The following ROR1 variants were observed in gnomAD, a reference collection of about 807,000 sequenced individuals.
ROR1 encodes the protein ROR family WNT receptor 1, also known as inactive tyrosine-protein kinase transmembrane receptor ROR1.
ROR1 carries 19 observed loss-of-function variants against 78.8 expected under a neutral mutation model. The observed-to-expected ratio is 0.24, with a 90% confidence interval of 0.17 to 0.35. ROR1 has a LOEUF of 0.35. ROR1 is among the 10% of genes least tolerant of loss of function. ROR1 has a pLI of 1.00. For synonymous variants in ROR1, 386 were observed against 433.6 expected (o/e 0.89, Z 1.36); for missense variants, 917 against 1,177.8 (o/e 0.78, Z 3.24).
chr1:64,131,577 A>G (rs575416317), intron 4 of ROR1, among the ~76,000 whole-genome samples: 194 of 151,904 alleles, frequency 1.3e-3, no homozygotes, highest in African/African-American at 4.6e-3. Flanking sequence ...TGGAATTCAC[A>G]TAACATAGAG....
chr1:63,846,212 T>C (rs1569809504), intron 1 of ROR1, among the ~76,000 whole-genome samples: 1 of 149,780 alleles, frequency 6.7e-6, no homozygotes, highest in South Asian at 2.1e-4. Context: ...TCACTCCTCA[T>C]GGTGAGGAGG....
intron 4 of ROR1, among the ~76,000 whole-genome samples, chr1:64,072,413 C>T (rs1647011694): frequency 6.6e-6 from 1 of 152,132 alleles, no homozygotes; most frequent in Non-Finnish European, 1.5e-5. Context: ...GTTCTCACTG[C>T]AGTAGGGGCT....
intron 1 of ROR1, among the ~76,000 whole-genome samples, chr1:63,801,781 A>C (rs1013569582): frequency 6.6e-6 from 1 of 152,328 alleles, no homozygotes; most frequent in African/African-American, 2.4e-5. Flanking sequence ...TAACTATTTT[A>C]TCTCACTTTA....
intron 4 of ROR1, among the ~76,000 whole-genome samples, chr1:64,099,197 G>A (rs1647421492): frequency 6.6e-6 from 1 of 152,100 alleles, no homozygotes; most frequent in Non-Finnish European, 1.5e-5. Flanking sequence ...ACAACTCCCC[G>A]AGGCAGGCAA....
intron 4 of ROR1, among the ~76,000 whole-genome samples, chr1:64,080,035 G>C (rs756212575): frequency 6.6e-6 from 1 of 152,108 alleles, no homozygotes; most frequent in African/African-American, 2.4e-5. Flanking sequence ...CCCTTAGCTG[G>C]GATGACTAAA....
At chr1:64,111,584 T>C (rs892136987) in intron 4 of ROR1, among the ~76,000 whole-genome samples, 4 of 152,208 alleles carry the variant, frequency 2.6e-5, no homozygotes, top group African/African-American at 9.6e-5. Context: ...TGATGTTTGC[T>C]GCCTTGGTAC....
chr1:64,033,752 T>G (rs1646679247), intron 2 of ROR1, among the ~76,000 whole-genome samples: 1 of 152,212 alleles, frequency 6.6e-6, no homozygotes, highest in Non-Finnish European at 1.5e-5. Context: ...CTATTTGTAT[T>G]TAAAATGTAT....
intron 1 of ROR1, among the ~76,000 whole-genome samples, chr1:63,783,697 AT>A (rs1368535710): frequency 6.6e-6 from 1 of 152,150 alleles, no homozygotes; most frequent in Non-Finnish European, 1.5e-5. Context: ...CTTCCCTTCT[AT>A]TTGGTAACTA....
At chr1:64,009,743 C>G (rs1236519586) in intron 2 of ROR1, among the ~76,000 whole-genome samples, 2 of 152,080 alleles carry the variant, frequency 1.3e-5, no homozygotes, top group African/African-American at 4.8e-5. Context: ...GCTCGGTGAC[C>G]TTTCACGATG....
At chr1:63,868,136 G>T (rs59198724) in intron 1 of ROR1, among the ~76,000 whole-genome samples, 30,272 of 149,324 alleles carry the variant, frequency 0.2, 6,239 homozygotes, top group African/African-American at 0.53. Context: ...AGTTTTTGTT[G>T]TTGTTGTTGT....
chr1:63,909,167 C>T (rs1645549948), intron 1 of ROR1, among the ~76,000 whole-genome samples: 1 of 151,856 alleles, frequency 6.6e-6, no homozygotes, highest in African/African-American at 2.4e-5. Context: ...TGCGCACCTG[C>T]TTTCCACCCT....
At chr1:63,943,428 C>T (rs1011258004) in intron 1 of ROR1, among the ~76,000 whole-genome samples, 1 of 152,164 alleles carries the variant, frequency 6.6e-6, no homozygotes, top group Non-Finnish European at 1.5e-5. Context: ...CAGCTCAGGG[C>T]AAGCCCCTGT....
intron 2 of ROR1, among the ~76,000 whole-genome samples, chr1:64,034,305 T>G (rs1056265461): frequency 2.6e-5 from 4 of 152,274 alleles, no homozygotes; most frequent in African/African-American, 9.6e-5. Context: ...ACTGCCACTT[T>G]GTTTGAAAAT....
chr1:63,884,800 C>G (rs967033494), intron 1 of ROR1, among the ~76,000 whole-genome samples: 1 of 151,102 alleles, frequency 6.6e-6, no homozygotes, highest in East Asian at 1.9e-4. Flanking sequence ...TCTTTCCCTT[C>G]TCCGGGAAAA....
chr1:64,008,841 G>C (rs577629948), intron 1 of ROR1, among the ~76,000 whole-genome samples: 18 of 152,060 alleles, frequency 1.2e-4, no homozygotes, highest in African/African-American at 4.1e-4. Context: ...CATCATGTTG[G>C]TCAGGCTGGT....
At chr1:63,903,202 C>T (rs1645499920) in intron 1 of ROR1, among the ~76,000 whole-genome samples, 1 of 152,188 alleles carries the variant, frequency 6.6e-6, no homozygotes, top group Non-Finnish European at 1.5e-5. Flanking sequence ...AATCTCTGCC[C>T]TATCAGCTGG....
intron 8 of ROR1, among the ~76,000 whole-genome samples, chr1:64,167,579 G>A (rs1358955344): frequency 6.6e-6 from 1 of 152,220 alleles, no homozygotes; most frequent in African/African-American, 2.4e-5. Context: ...CCATTTATGA[G>A]TAGAGTCAAT....
intron 1 of ROR1, among the ~76,000 whole-genome samples, chr1:63,940,941 T>C (rs2100456599): frequency 6.6e-6 from 1 of 152,314 alleles, no homozygotes; most frequent in Middle Eastern, 3.4e-3. Flanking sequence ...TGTAGTATTC[T>C]GACCAACACT....
At chr1:64,165,501 C>T (rs1650061533) in intron 8 of ROR1, among the ~76,000 whole-genome samples, 1 of 151,850 alleles carries the variant, frequency 6.6e-6, no homozygotes, top group South Asian at 2.1e-4. Context: ...AATTTTTCTC[C>T]CATTCTGTAG....
Sources: allele counts gnomAD v4.1 joint callset (sites outside exome capture counted in the v4.1 genomes callset), GRCh38; gene constraint gnomAD v4.1.1; transcripts MANE v1.5; gene names NCBI Gene and HGNC (gene_info 2026-07-23, HGNC 2026-07-21).